The following MRPL33 variants were observed in gnomAD, a reference collection of about 807,000 sequenced individuals.
MRPL33 encodes the protein large ribosomal subunit protein bL33m.
A neutral mutation model predicts 10.1 loss-of-function variants in MRPL33; 5 were observed. The observed-to-expected ratio is 0.49, with a 90% CI of 0.26 to 1.04. The LOEUF is 1.04. MRPL33 is among the 50% of genes least tolerant of loss of function. The pLI is 0.14. For synonymous variants in MRPL33, 24 were observed against 27.7 expected (o/e 0.87, Z 0.42); for missense variants, 79 against 78.1 (o/e 1.01, Z -0.04).
Position 27,774,493 on chromosome 2 carries a change from G to T in MRPL33, c.111G>T (p.Leu37=). The T allele has an allele frequency of 6.2e-7, 1 of 1,614,052 alleles. No homozygotes were observed. The highest frequency in any genetic ancestry group is 1.1e-5 in the South Asian group (1 of 91,080). The change falls in exon 3 of 4, where the codon CTG becomes CTT. Residue 37 remains leucine, a synonymous_variant. Transcript: ENST00000296102. ...GCTTCAACACCAAGAGAAACCGACT[G>T]CGGGAAAAACTGACTCTTTTGCATT... The part of the protein sequence containing the change: ...GFCFNTKRNR[L]REKLTLLHYD...
intron 3 of MRPL33, 105 bp downstream of exon 3, chr2:27,774,635 AT>A: frequency 1.2e-6 from 1 of 802,154 alleles, no homozygotes; most frequent in Non-Finnish European, 2.2e-6. Flanking sequence ...ACTAGCATTC[AT>A]TTAGTAAATA....
Position 27,774,546 on chromosome 2 carries a change from G to A in MRPL33, c.148+16G>A. On this transcript the variant is annotated intron_variant, in intron 3 of 3. Transcript: ENST00000296102. ...GATCCAGTTGGTAAGATCTGGGGAG[G>A]TTAATGCTTCCAAGGCCTGTTGCCC... 6.2e-7 allele frequency: 1 copy of A among 1,605,058 alleles called. No individual in the cohort carries two copies. The highest frequency in any genetic ancestry group is 8.5e-7 in the Non-Finnish European group (1 of 1,171,806).
intron 2 of MRPL33, chr2:27,772,900 C>T: frequency 3.8e-6 from 2 of 527,046 alleles, no homozygotes; most frequent in Non-Finnish European, 6.7e-6. Flanking sequence ...CTTCTGTGAG[C>T]ATTGAAATAC....
In MRPL33 at chr2:27,772,659, C is replaced by G. The variant is rs372063858; in HGVS notation, c.23-15C>G. 28 of 1,589,436 alleles carry G rather than the reference C, an allele frequency of 1.8e-5. No homozygotes were observed. In the African/African-American group the frequency reaches 2.7e-4, roughly 15 times the overall value. The stretch of plus-strand genomic sequence containing the variant: ...TTTTTATTTTCTTTTCCAACCCTTC[C>G]TGTCTACAAAAAAGTTGCCAAGAGC... On this transcript the variant is annotated splice_polypyrimidine_tract_variant and intron_variant, in intron 1 of 3. Transcript: ENST00000296102.
At chr2:27,773,323 T>TA (rs1369769195) in intron 2 of MRPL33, among the ~76,000 whole-genome samples, 1 of 152,220 alleles carries the variant, frequency 6.6e-6, no homozygotes, top group Non-Finnish European at 1.5e-5. Context: ...TCCTTAAAGC[T>TA]AGTCTTTTGG....
intron 3 of MRPL33, among the ~76,000 whole-genome samples, chr2:27,775,695 A>AT (rs1677138151): frequency 6.6e-6 from 1 of 152,146 alleles, no homozygotes; most frequent in African/African-American, 2.4e-5. Flanking sequence ...ATGAGCAGAC[A>AT]TTTTTTAAAG....
chr2:27,777,058 T>C (rs1284444149), intron 3 of MRPL33, among the ~76,000 whole-genome samples: 1 of 152,236 alleles, frequency 6.6e-6, no homozygotes, highest in Admixed American at 6.5e-5. Flanking sequence ...TTATTTAATT[T>C]TTTAAAATAG....
intron 3 of MRPL33, among the ~76,000 whole-genome samples, chr2:27,775,198 T>C (rs1425649700): frequency 6.6e-6 from 1 of 152,214 alleles, no homozygotes; most frequent in Non-Finnish European, 1.5e-5. Flanking sequence ...GGCCATATTA[T>C]CTGCTCACAA....
At chr2:27,777,458 A>C (rs922898010) in intron 3 of MRPL33, among the ~76,000 whole-genome samples, 22 of 148,258 alleles carry the variant, frequency 1.5e-4, no homozygotes, top group African/African-American at 5.3e-4. Flanking sequence ...CAATCCCTCT[A>C]CTAAACCAGA....
At position 27,774,532 on chromosome 2, in the gene MRPL33, T is replaced by TAAGATAA. The variant is rs762657884; in HGVS notation, c.148+7_148+8insAAAAGAT. The TAAGATAA allele has an allele frequency of 6.2e-7, 1 of 1,613,154 alleles. No homozygotes were observed. The highest frequency in any genetic ancestry group is 8.5e-7 in the Non-Finnish European group (1 of 1,179,106). ...CTCTTTTGCATTATGATCCAGTTGG[T>TAAGATAA]AAGATCTGGGGAGGTTAATGCTTCC... On this transcript the variant is annotated splice_region_variant and intron_variant, in intron 3 of 3. Coordinates refer to ENST00000296102, the MANE Select transcript of MRPL33 (RefSeq NM_004891.4).
rs779701859 is a variant in MRPL33 at position 27,779,425 on chromosome 2, C to T, written c.149-8C>T. On this transcript the variant is annotated splice_polypyrimidine_tract_variant and splice_region_variant and intron_variant, in intron 3 of 3. Coordinates refer to ENST00000296102, the MANE Select transcript of MRPL33 (RefSeq NM_004891.4). ...TTTCTGCCACAATTTTTTTTTCTCC[C>T]TCCATAGTGAAACAAAGAGTCCTCT... 1.0e-5 allele frequency: 16 copies of T among 1,591,450 alleles called. No individual in the cohort carries two copies. The South Asian group carries it at 1.6e-4, about 16-fold the overall frequency.
intron 1 of MRPL33, chr2:27,772,134 C>A: frequency 2.8e-6 from 1 of 361,960 alleles, no homozygotes; most frequent in Admixed American, 4.2e-5. Context: ...CTATTTCGAA[C>A]TCTAAAAATA....
intron 3 of MRPL33, among the ~76,000 whole-genome samples, chr2:27,776,022 G>A (rs961529372): frequency 6.6e-6 from 1 of 152,166 alleles, no homozygotes; most frequent in Admixed American, 6.5e-5. Context: ...GATATTTTAA[G>A]TATGAAAAAA....
At chr2:27,774,128 C>T (rs2148172773) in intron 2 of MRPL33, among the ~76,000 whole-genome samples, 2 of 152,296 alleles carry the variant, frequency 1.3e-5, no homozygotes, top group East Asian at 3.9e-4. Context: ...CTGACTTCTG[C>T]TCCTCGTGAA....
At chr2:27,772,185 A>C in intron 1 of MRPL33, 1 of 279,778 alleles carries the variant, frequency 3.6e-6, no homozygotes, top group Non-Finnish European at 6.7e-6. Context: ...TGCCTGAGTA[A>C]TGCGGCAGGG....
chr2:27,776,092 A>T (rs1232546148), intron 3 of MRPL33, among the ~76,000 whole-genome samples: 1 of 152,222 alleles, frequency 6.6e-6, no homozygotes. Flanking sequence ...TGTCAGTTTG[A>T]TTTTAAGTTT....
intron 3 of MRPL33, among the ~76,000 whole-genome samples, chr2:27,779,059 T>C (rs1170279056): frequency 6.6e-6 from 1 of 152,224 alleles, no homozygotes; most frequent in Non-Finnish European, 1.5e-5. Flanking sequence ...TTCTTGCTGC[T>C]CTCTTTCTGG....
chr2:27,772,687 G>A lies in MRPL33; in HGVS notation c.36G>A (p.Lys12=). 1 of 1,601,362 alleles carries A rather than the reference G, an allele frequency of 6.2e-7. No individual in the cohort carries two copies. Among genetic ancestry groups the A allele is most frequent in the Non-Finnish European group, 8.5e-7 (1 of 1,171,488 alleles). ...TCTACAAAAAAGTTGCCAAGAGCAAGTCAAAGTAAGTAAAGATTTTTCCTT... is the reference window on the plus strand; with the variant it reads ...TCTACAAAAAAGTTGCCAAGAGCAAATCAAAGTAAGTAAAGATTTTTCCTT... ...FLSAVFFAKS[K]SKNILVRMVS... The change falls in exon 2 of 4, where the codon AAG becomes AAA. Residue 12 remains lysine, a synonymous_variant. Coordinates refer to ENST00000296102, the MANE Select transcript of MRPL33 (RefSeq NM_004891.4).
intron 3 of MRPL33, among the ~76,000 whole-genome samples, chr2:27,777,522 C>A (rs1420896012): frequency 6.6e-6 from 1 of 152,080 alleles, no homozygotes; most frequent in Non-Finnish European, 1.5e-5. Context: ...AGGGACCAAA[C>A]TTGACACTTT....
Sources: gnomAD v4.1 joint callset for allele counts (sites outside exome capture counted in the v4.1 genomes callset) on GRCh38, gnomAD v4.1.1 for gene constraint, MANE v1.5 for transcripts, NCBI Gene and HGNC (gene_info 2026-07-23, HGNC 2026-07-21) for gene names.